PPP4R3B: variants seen among roughly 807,000 people sequenced by gnomAD.
PPP4R3B encodes protein phosphatase 4 regulatory subunit 3B, also known as serine/threonine-protein phosphatase 4 regulatory subunit 3B.
A neutral mutation model predicts 95.4 loss-of-function variants in PPP4R3B; 52 were observed. That is an observed-to-expected ratio of 0.54 (90% CI 0.44 to 0.69). The LOEUF (loss-of-function observed/expected upper bound fraction) is 0.69, where lower values mean the gene tolerates loss of function less well. PPP4R3B is among the 30% of genes least tolerant of loss of function. The pLI is 0.00. For synonymous variants in PPP4R3B, 407 were observed against 343.9 expected (o/e 1.18, Z -2.03); for missense variants, 1,003 against 1,005.9 (o/e 1.00, Z 0.04).
In PPP4R3B at chr2:55,548,849, C is replaced by A. The variant is rs1016143908; in HGVS notation, c.*1062G>T. 1 of 152,574 alleles carries A rather than the reference C, an allele frequency of 6.6e-6. No individual in the cohort carries two copies. The highest frequency in any genetic ancestry group is 2.1e-4 in the South Asian group (1 of 4,828). 9.5% of individuals were successfully genotyped at this position (152,574 alleles called of 1,614,324 possible). On this transcript the variant is annotated 3_prime_UTR_variant, in exon 17 of 17. Transcript: ENST00000616407. ...TTTGCCTCAATTTATTTTTAAAATTCACTTACGTATATGGAATGTGCTTTT... is the reference window on the plus strand; with the variant it reads ...TTTGCCTCAATTTATTTTTAAAATTAACTTACGTATATGGAATGTGCTTTT...
chr2:55,553,115 T>C (rs7605504), intron 16 of PPP4R3B, among the ~76,000 whole-genome samples: 128,100 of 152,210 alleles, frequency 0.84, 54,502 homozygotes, highest in African/African-American at 0.94. Flanking sequence ...AAAGAATAAA[T>C]TCTATAGAGA....
chr2:55,579,664 ATAAAGAGACCC>A lies in PPP4R3B; in HGVS notation c.1468+4_1468+14del. The A allele has an allele frequency of 6.6e-7, 1 of 1,514,638 alleles. No individual in the cohort carries two copies. Among genetic ancestry groups the A allele is most frequent in the Non-Finnish European group, 8.9e-7 (1 of 1,128,864 alleles). The allele number at this position is 1,514,638 out of a possible 1,614,324, so 93.8% of individuals were successfully genotyped here. A position where few individuals can be genotyped will look rare whatever the true frequency, so the allele number is the denominator to read the frequency against. On this transcript the variant is annotated splice_donor_5th_base_variant and intron_variant, in intron 9 of 16. Transcript: ENST00000616407. Reference sequence around the variant, plus strand: ...TAAAAACAGAAATCACAGCAGATAAATAAAGAGACCCTACCCTTTTCACATTTGTCTTCTGA... The same window carrying A: ...TAAAAACAGAAATCACAGCAGATAAATACCCTTTTCACATTTGTCTTCTGA...
At chr2:55,603,076 C>T (rs1572709092) in intron 3 of PPP4R3B, among the ~76,000 whole-genome samples, 2 of 151,994 alleles carry the variant, frequency 1.3e-5, no homozygotes, top group African/African-American at 4.8e-5. Flanking sequence ...CCTCAGCCAC[C>T]CTAGTGGCTG....
intron 4 of PPP4R3B, among the ~76,000 whole-genome samples, chr2:55,594,048 G>A (rs1691410397): frequency 6.6e-6 from 1 of 152,158 alleles, no homozygotes; most frequent in Non-Finnish European, 1.5e-5. Context: ...ATTATCCTAA[G>A]TGAACTCAGA....
rs548253263 is a variant in PPP4R3B, at chr2:55,549,487, A to T, written c.*424T>A. ...TTAAAAAGAGGCAACTGATTAAAAC[A>T]ACAACATGGCCAGCACCATTATACA... is the stretch of plus-strand genomic sequence containing the variant. On this transcript the variant is annotated 3_prime_UTR_variant, in exon 17 of 17. Transcript: ENST00000616407. 6.6e-6 allele frequency: 1 copy of T among 152,364 alleles called. No homozygotes were observed. Among genetic ancestry groups the T allele is most frequent in the East Asian group, 1.9e-4 (1 of 5,236 alleles). 9.4% of individuals were successfully genotyped at this position (152,364 alleles called of 1,614,324 possible).
chr2:55,595,738 G>GAA lies in PPP4R3B; in HGVS notation c.921+2676_921+2677dup, dbSNP rs11367361. Among the ~76,000 whole-genome samples the GAA allele has an allele frequency of 8.5e-3, 1,105 of 130,492 alleles. 11 individuals are homozygous for GAA. The highest frequency in any genetic ancestry group is 0.011 in the Non-Finnish European group (667 of 62,614). 85.6% of individuals were successfully genotyped at this position (130,492 alleles called of 152,430 possible). On this transcript the variant is annotated intron_variant, in intron 4 of 16. Coordinates refer to ENST00000616407, the MANE Select transcript of PPP4R3B (RefSeq NM_001122964.3). Reference sequence around the variant, plus strand: ...ATATGTTCTTTAAGCAAAAGTACATGAAAAAAAAAAAAAAAACACAGCCTC... The same window carrying GAA: ...ATATGTTCTTTAAGCAAAAGTACATGAAAAAAAAAAAAAAAAAACACAGCCTC...
chr2:55,601,107 T>C (rs186726263), intron 3 of PPP4R3B, among the ~76,000 whole-genome samples: 213 of 138,868 alleles, frequency 1.5e-3, no homozygotes, highest in Middle Eastern at 8.0e-3. Context: ...ATCACACCAC[T>C]GCATTCTAGC....
intron 4 of PPP4R3B, among the ~76,000 whole-genome samples, chr2:55,594,396 C>G (rs1371003813): frequency 6.6e-6 from 1 of 151,540 alleles, no homozygotes; most frequent in African/African-American, 2.4e-5. Flanking sequence ...TTCACAGAAT[C>G]TGGCTATTTC....
rs763367377 is a variant in PPP4R3B, at chr2:55,598,959, A to C, written c.378T>G (p.Pro126=). 1 of 1,614,178 alleles carries C rather than the reference A, an allele frequency of 6.2e-7. No homozygotes were observed. The highest frequency in any genetic ancestry group is 1.1e-5 in the South Asian group (1 of 91,088). Residue 126 remains proline, a synonymous_variant, in exon 4 of 17, where the codon CCT becomes CCG. Coordinates refer to ENST00000616407, the MANE Select transcript of PPP4R3B (RefSeq NM_001122964.3). ...GCAGGTCAATCAGATGACTAGTTTCAGGCATTTCTTCAAATCGTTCTTCTT... is the reference window on the plus strand; with the variant it reads ...GCAGGTCAATCAGATGACTAGTTTCCGGCATTTCTTCAAATCGTTCTTCTT... The part of the protein sequence containing the change: ...ESEEERFEEM[P]ETSHLIDLPT...
At chr2:55,562,047 G>A (rs1686698584) in intron 15 of PPP4R3B, among the ~76,000 whole-genome samples, 1 of 152,174 alleles carries the variant, frequency 6.6e-6, no homozygotes, top group Non-Finnish European at 1.5e-5. Flanking sequence ...TGTTGGAGGA[G>A]ATGACTGAAT....
intron 2 of PPP4R3B, among the ~76,000 whole-genome samples, chr2:55,606,384 A>G (rs934570094): frequency 1.3e-5 from 2 of 152,126 alleles, no homozygotes; most frequent in East Asian, 1.9e-4. Flanking sequence ...ATATAAATCC[A>G]TATTTAAAAT....
chr2:55,599,736 G>A (rs748372549), intron 3 of PPP4R3B, among the ~76,000 whole-genome samples: 3 of 152,090 alleles, frequency 2.0e-5, no homozygotes, highest in African/African-American at 4.8e-5. Flanking sequence ...TAATCCTATC[G>A]TCATCCCTTA....
At chr2:55,569,321 C>T (rs1222616640) in intron 12 of PPP4R3B, among the ~76,000 whole-genome samples, 1 of 152,060 alleles carries the variant, frequency 6.6e-6, no homozygotes, top group Non-Finnish European at 1.5e-5. Context: ...AGGGAGTCAC[C>T]CTTTCCCTGG....
chr2:55,579,029 T>C (rs1034589150), intron 9 of PPP4R3B, among the ~76,000 whole-genome samples: 1 of 152,028 alleles, frequency 6.6e-6, no homozygotes, highest in Non-Finnish European at 1.5e-5. Flanking sequence ...GCCTCCAAAT[T>C]AGATACATGC....
chr2:55,565,031 T>C lies in PPP4R3B; in HGVS notation c.1946A>G (p.Lys649Arg), dbSNP rs748039518. The change falls in exon 14 of 17, where the codon AAG becomes AGG. Residue 649 changes from lysine to arginine, a missense_variant. Physicochemically the swap from Lys to Arg is conservative, Grantham distance 26 (BLOSUM62 2). This residue lies in a region of PPP4R3B where 79 missense variants were observed against 124.9 expected (regional missense o/e 0.63). Coordinates refer to ENST00000616407, the MANE Select transcript of PPP4R3B (RefSeq NM_001122964.3). ...TTCAACTATATGGGCAGTAAGAGAC[T>C]TGATATCTTCCTGTATAAGCACAAA... ...LFEFIRVEDI[K>R]SLTAHIVENF... 4.4e-6 allele frequency: 7 copies of C among 1,585,722 alleles called. No homozygotes were observed. The Admixed American group carries it at 1.3e-4, about 29-fold the overall frequency.
chr2:55,559,057 A>G, intron 15 of PPP4R3B, 89 bp from the exon 16 acceptor site: 1 of 1,068,622 alleles, frequency 9.4e-7, no homozygotes, highest in Non-Finnish European at 1.3e-6. Flanking sequence ...AAACTTATAA[A>G]ACATTGCTGC....
intron 6 of PPP4R3B, among the ~76,000 whole-genome samples, chr2:55,586,225 A>C (rs1690123919): frequency 6.6e-6 from 1 of 152,204 alleles, no homozygotes; most frequent in South Asian, 2.1e-4. Context: ...CCATAAAGTA[A>C]ATACCAATAG....
At chr2:55,591,188 G>A (rs973415119) in intron 4 of PPP4R3B, among the ~76,000 whole-genome samples, 2 of 150,734 alleles carry the variant, frequency 1.3e-5, no homozygotes, top group Admixed American at 6.6e-5. Context: ...CCAGGCTGGA[G>A]TGCAGTGGTA....
At chr2:55,559,214 C>T (rs935658587) in intron 15 of PPP4R3B, among the ~76,000 whole-genome samples, 2 of 151,826 alleles carry the variant, frequency 1.3e-5, no homozygotes, top group Non-Finnish European at 2.9e-5. Flanking sequence ...GGTGTGGTGG[C>T]GCATGTCTAT....
Sources: allele counts gnomAD v4.1 joint callset (sites outside exome capture counted in the v4.1 genomes callset), GRCh38; gene constraint gnomAD v4.1.1; regional missense constraint gnomAD v4.1.1; transcripts MANE v1.5; gene names NCBI Gene and HGNC (gene_info 2026-07-23, HGNC 2026-07-21).